Variants in TSPAN14 observed in about 807,000 individuals in gnomAD.
The protein encoded by TSPAN14 is tetraspanin-14.
In TSPAN14, 16 loss-of-function variants were observed where a neutral mutation model predicts 36.6. That is an observed-to-expected ratio of 0.44 (90% CI 0.30 to 0.66). The LOEUF is 0.66. Among genes scored for constraint, TSPAN14 ranks in the 30% least tolerant of loss-of-function variants. The pLI, the probability that TSPAN14 is intolerant of heterozygous loss-of-function variation, is 0.12. For synonymous variants in TSPAN14, 139 were observed against 143.8 expected, an observed-to-expected ratio of 0.97 and a Z score of 0.24; for missense variants, 231 against 355.1, an observed-to-expected ratio of 0.65 and a Z score of 2.81.
intron 1 of TSPAN14, among the ~76,000 whole-genome samples, chr10:80,467,141 A>C (rs1049929121): frequency 2.0e-5 from 3 of 152,026 alleles, no homozygotes; most frequent in Non-Finnish European, 4.4e-5. Flanking sequence ...TCTTAGTCTT[A>C]TAATCTCTAT....
intron 1 of TSPAN14, among the ~76,000 whole-genome samples, chr10:80,474,801 T>A (rs952894255): frequency 6.6e-6 from 1 of 152,140 alleles, no homozygotes; most frequent in Non-Finnish European, 1.5e-5. Context: ...TTTTCTCCAC[T>A]GTCATGTCAT....
chr10:80,489,642 G>A (rs1847816851), intron 2 of TSPAN14, among the ~76,000 whole-genome samples: 1 of 152,250 alleles, frequency 6.6e-6, no homozygotes, highest in Admixed American at 6.5e-5. Context: ...CAGCAGCAAG[G>A]TACTTTGTGT....
chr10:80,517,789 G>A (rs985381417), intron 8 of TSPAN14, 116 bp from the exon 9 acceptor site: 20 of 990,490 alleles, frequency 2.0e-5, no homozygotes, highest in Non-Finnish European at 2.9e-5. Flanking sequence ...GTCTTCAGTC[G>A]CAGCTGGGGG....
rs532267616 is a variant in TSPAN14 at position 80,475,980 on chromosome 10, A to C, written c.-17-13237A>C. ...TTATGCCAAAATCCATAGATGCTCA[A>C]GTCCCTAATATAAAATGGTGTAGTA... On this transcript the variant is annotated intron_variant, in intron 1 of 8. Coordinates refer to ENST00000429989, the Ensembl canonical transcript of TSPAN14. Among the ~76,000 whole-genome samples the C allele has an allele frequency of 7.9e-5, 12 of 152,350 alleles. No homozygotes were observed. The South Asian group carries it at 2.3e-3, about 29-fold the overall frequency.
intron 2 of TSPAN14, among the ~76,000 whole-genome samples, chr10:80,496,603 A>G (rs1307294404): frequency 1.3e-5 from 2 of 152,054 alleles, no homozygotes; most frequent in African/African-American, 2.4e-5. Context: ...TCCCTGTCCC[A>G]TTTCCCTAGG....
chr10:80,478,650 A>G (rs527936376), intron 1 of TSPAN14, among the ~76,000 whole-genome samples: 2 of 152,332 alleles, frequency 1.3e-5, no homozygotes, highest in Admixed American at 1.3e-4. Flanking sequence ...CGGGCTTCTC[A>G]ATACATCTGA....
chr10:80,476,401 GT>G (rs1166497197), intron 1 of TSPAN14, among the ~76,000 whole-genome samples: 5 of 128,218 alleles, frequency 3.9e-5, no homozygotes, highest in Non-Finnish European at 6.5e-5. Flanking sequence ...GAAAATAGTT[GT>G]TTTACTGTTT....
chr10:80,502,648 G>C (rs1272739702), intron 2 of TSPAN14, among the ~76,000 whole-genome samples: 1 of 152,074 alleles, frequency 6.6e-6, no homozygotes, highest in African/African-American at 2.4e-5. Flanking sequence ...AGAAGAGTTG[G>C]GGGGAGCTCG....
chr10:80,492,535 G>A (rs1342108307), intron 2 of TSPAN14, among the ~76,000 whole-genome samples: 1 of 152,172 alleles, frequency 6.6e-6, no homozygotes, highest in Non-Finnish European at 1.5e-5. Flanking sequence ...TATTTTCACA[G>A]GCCTGGCGCG....
intron 2 of TSPAN14, among the ~76,000 whole-genome samples, chr10:80,495,902 C>A (rs1241415052): frequency 1.3e-5 from 2 of 152,172 alleles, no homozygotes; most frequent in African/African-American, 4.8e-5. Context: ...AGAAACTTTC[C>A]TTGTGCCCCT....
chr10:80,472,881 T>C (rs1846635584), intron 1 of TSPAN14, among the ~76,000 whole-genome samples: 1 of 152,232 alleles, frequency 6.6e-6, no homozygotes, highest in Non-Finnish European at 1.5e-5. Flanking sequence ...CTTCAAAACA[T>C]GCATTTCCAA....
chr10:80,519,161 C>G (rs1030183481), exon 9 of TSPAN14: 1 of 152,730 alleles, frequency 6.5e-6, no homozygotes, highest in Non-Finnish European at 1.5e-5. Context: ...ATTTGCCTCT[C>G]CCCGGAGACA....
intron 1 of TSPAN14, among the ~76,000 whole-genome samples, chr10:80,472,062 C>G (rs116834428): frequency 0.018 from 2,711 of 152,108 alleles, 88 homozygotes; most frequent in African/African-American, 0.062. Context: ...CACTTGAGCC[C>G]AGGAGGTCAA....
intron 1 of TSPAN14, among the ~76,000 whole-genome samples, chr10:80,471,431 T>C (rs1403502549): frequency 1.3e-5 from 2 of 152,132 alleles, no homozygotes; most frequent in African/African-American, 2.4e-5. Context: ...CTTGTTCACA[T>C]TGGGAATACT....
intron 4 of TSPAN14, among the ~76,000 whole-genome samples, chr10:80,508,054 A>G (rs1483287206): frequency 6.7e-6 from 1 of 150,342 alleles, no homozygotes; most frequent in East Asian, 1.9e-4. Context: ...TTGCTTTTAT[A>G]TGAACAGAGA....
At chr10:80,479,102 G>GTCTGT (rs1847093021) in intron 1 of TSPAN14, among the ~76,000 whole-genome samples, 3 of 152,222 alleles carry the variant, frequency 2.0e-5, no homozygotes, top group African/African-American at 7.2e-5. Flanking sequence ...TTTGAGAAGT[G>GTCTGT]TCTGTTCATG....
At chr10:80,477,141 C>T (rs1053776473) in intron 1 of TSPAN14, among the ~76,000 whole-genome samples, 1 of 152,238 alleles carries the variant, frequency 6.6e-6, no homozygotes, top group Non-Finnish European at 1.5e-5. Context: ...GCTTCTCTGC[C>T]TTCCTCTTCT....
chr10:80,522,102 AAGG>A (rs1379983523), exon 9 of TSPAN14: 2 of 152,146 alleles, frequency 1.3e-5, no homozygotes, highest in Non-Finnish European at 2.9e-5. Flanking sequence ...CAGCTTGGAG[AAGG>A]AGGACGTGAG....
intron 5 of TSPAN14, among the ~76,000 whole-genome samples, chr10:80,510,834 A>G (rs1840578887): frequency 6.6e-6 from 1 of 152,200 alleles, no homozygotes; most frequent in Admixed American, 6.5e-5. Context: ...AGATCACGCC[A>G]CTGCAGTCCA....
Sources: gnomAD v4.1 joint callset for allele counts (sites outside exome capture counted in the v4.1 genomes callset) on GRCh38, gnomAD v4.1.1 for gene constraint, MANE v1.5 for transcripts, NCBI Gene and HGNC (gene_info 2026-07-23, HGNC 2026-07-21) for gene names.